Variants in ADK observed in about 807,000 individuals in gnomAD.
ADK encodes adenosine kinase, also known as N6,N6-dimethyladenosine kinase.
ADK carries 24 observed loss-of-function variants against 44.7 expected under a neutral mutation model. The ratio of observed to expected loss-of-function variants is 0.54; its 90% CI spans 0.39 to 0.76. ADK has a LOEUF of 0.76. Ranked by LOEUF, ADK falls within the 30% of genes least tolerant of loss-of-function variation. The pLI, the probability that ADK is intolerant of heterozygous loss-of-function variation, is 0.00. For synonymous variants in ADK, 128 were observed against 142.6 expected (o/e 0.90, Z 0.73); for missense variants, 321 against 425.1 (o/e 0.76, Z 2.15).
chr10:74,594,802 A>G (rs919693687), intron 8 of ADK, among the ~76,000 whole-genome samples: 2 of 152,202 alleles, frequency 1.3e-5, no homozygotes, highest in Non-Finnish European at 2.9e-5. Flanking sequence ...CCAACATATC[A>G]GTAATACATT....
chr10:74,408,798 A>G (rs941799932), intron 6 of ADK, among the ~76,000 whole-genome samples: 1 of 152,196 alleles, frequency 6.6e-6, no homozygotes, highest in Non-Finnish European at 1.5e-5. Context: ...GGATCATCAT[A>G]AAGGTCTTTA....
chr10:74,634,863 A>T (rs141465269), intron 9 of ADK, among the ~76,000 whole-genome samples: 2,633 of 152,168 alleles, frequency 0.017, 66 homozygotes, highest in African/African-American at 0.06. Flanking sequence ...GAGAATCACT[A>T]GAACCTGGGA....
intron 6 of ADK, among the ~76,000 whole-genome samples, chr10:74,508,715 C>A (rs1440399315): frequency 6.6e-6 from 1 of 152,092 alleles, no homozygotes; most frequent in Non-Finnish European, 1.5e-5. Flanking sequence ...CATAGTTTCT[C>A]TCTTTTTTTA....
rs769995323 is a variant in ADK, at chr10:74,284,728, T to C, written c.195-29939T>C. 4.3e-4 allele frequency among the ~76,000 whole-genome samples: 65 copies of C among 152,316 alleles called. No homozygotes were observed. In the Middle Eastern group the frequency reaches 0.017, roughly 40 times the overall value. On this transcript the variant is annotated intron_variant, in intron 3 of 10. Coordinates refer to ENST00000539909, the MANE Select transcript of ADK (RefSeq NM_006721.4). ...CTTTAGTAGTAATTCTCAAATGAGG[T>C]GCCAAATCTTGGTCTGTATGGAATG...
At chr10:74,671,788 T>C (rs573776231) in intron 10 of ADK, among the ~76,000 whole-genome samples, 3 of 152,220 alleles carry the variant, frequency 2.0e-5, no homozygotes, top group Non-Finnish European at 4.4e-5. Flanking sequence ...CTTTAAAACA[T>C]GAAGTATTCT....
chr10:74,192,145 T>C (rs1025269126), intron 1 of ADK, among the ~76,000 whole-genome samples: 1 of 152,248 alleles, frequency 6.6e-6, no homozygotes, highest in African/African-American at 2.4e-5. Context: ...TTTATGGGTG[T>C]ACCATAGTTT....
At chr10:74,310,217 ATACTTTATT>A (rs1840388733) in intron 3 of ADK, among the ~76,000 whole-genome samples, 1 of 152,178 alleles carries the variant, frequency 6.6e-6, no homozygotes, top group Non-Finnish European at 1.5e-5. Context: ...TAAAATTCCC[ATACTTTATT>A]TCCTATGGAA....
intron 1 of ADK, among the ~76,000 whole-genome samples, chr10:74,169,870 GAACTT>G (rs1842115834): frequency 6.6e-6 from 1 of 152,074 alleles, no homozygotes; most frequent in African/African-American, 2.4e-5. Flanking sequence ...TGTCTAATAA[GAACTT>G]AAAGGAACCT....
intron 9 of ADK, chr10:74,655,240 G>A: frequency 7.3e-6 from 3 of 408,788 alleles, no homozygotes; most frequent in South Asian, 6.6e-5. Context: ...CATGGACAGG[G>A]ATGAGGCCAC....
intron 6 of ADK, among the ~76,000 whole-genome samples, chr10:74,443,345 G>A (rs1361233818): frequency 6.6e-6 from 1 of 152,120 alleles, no homozygotes; most frequent in South Asian, 2.1e-4. Context: ...TATCCACACA[G>A]TGAAATATTA....
At chr10:74,361,186 G>A (rs1256511221) in intron 4 of ADK, among the ~76,000 whole-genome samples, 4 of 152,236 alleles carry the variant, frequency 2.6e-5, no homozygotes, top group African/African-American at 9.6e-5. Flanking sequence ...TTACAGGCGT[G>A]AGCCACTGCG....
At chr10:74,605,063 G>A (rs1005546832) in intron 9 of ADK, among the ~76,000 whole-genome samples, 1 of 152,076 alleles carries the variant, frequency 6.6e-6, no homozygotes, top group South Asian at 2.1e-4. Flanking sequence ...TTGGTGTATA[G>A]GAATGCTTGT....
chr10:74,635,050 A>G (rs1270428032), intron 9 of ADK, among the ~76,000 whole-genome samples: 1 of 152,244 alleles, frequency 6.6e-6, no homozygotes, highest in African/African-American at 2.4e-5. Flanking sequence ...GAAAGGAGCT[A>G]GAGAATGAGG....
At chr10:74,524,634 T>C (rs1273728084) in intron 6 of ADK, among the ~76,000 whole-genome samples, 2 of 152,140 alleles carry the variant, frequency 1.3e-5, no homozygotes, top group African/African-American at 4.8e-5. Context: ...CTCAAGTGAT[T>C]GGCCCACCTT....
intron 6 of ADK, among the ~76,000 whole-genome samples, chr10:74,514,120 G>C (rs778533399): frequency 6.6e-6 from 1 of 152,082 alleles, no homozygotes; most frequent in East Asian, 1.9e-4. Context: ...CTAGTACTTT[G>C]ACTATATTAT....
intron 6 of ADK, among the ~76,000 whole-genome samples, chr10:74,451,024 G>GT (rs553855227): frequency 5.6e-5 from 7 of 126,042 alleles, no homozygotes; most frequent in Admixed American, 4.7e-4. Context: ...TTCCTTTCTG[G>GT]TTTTCATGCT....
chr10:74,509,986 G>T (rs1441188620), intron 6 of ADK, among the ~76,000 whole-genome samples: 1 of 152,020 alleles, frequency 6.6e-6, no homozygotes, highest in Non-Finnish European at 1.5e-5. Context: ...TTCATTTGTT[G>T]TTGGACACCT....
chr10:74,407,731 C>T (rs571779828), intron 6 of ADK, among the ~76,000 whole-genome samples: 3 of 152,312 alleles, frequency 2.0e-5, no homozygotes, highest in South Asian at 4.1e-4. Flanking sequence ...TCTTCCTTCC[C>T]GCTCTGCAGC....
intron 2 of ADK, among the ~76,000 whole-genome samples, chr10:74,218,591 G>A (rs1165621890): frequency 6.6e-6 from 1 of 152,088 alleles, no homozygotes; most frequent in Admixed American, 6.6e-5. Flanking sequence ...TTGAAATGAA[G>A]GAAAAAATGT....
Sources: gnomAD v4.1 joint callset for allele counts (sites outside exome capture counted in the v4.1 genomes callset) on GRCh38, gnomAD v4.1.1 for gene constraint, MANE v1.5 for transcripts, NCBI Gene and HGNC (gene_info 2026-07-23, HGNC 2026-07-21) for gene names.